Variants in STOX2 observed in about 807,000 individuals in gnomAD.
The protein encoded by STOX2 is storkhead box 2.
STOX2 carries 28 observed loss-of-function variants against 60.9 expected under a neutral mutation model. The ratio of observed to expected loss-of-function variants is 0.46; its 90% CI spans 0.34 to 0.63. STOX2 has a LOEUF of 0.63. Ranked by LOEUF, STOX2 falls within the 30% of genes least tolerant of loss-of-function variation. The probability of loss-of-function intolerance (pLI) is 0.01; values close to 1 mark genes in which losing one functional copy is unlikely to be tolerated. For synonymous variants in STOX2, 472 were observed against 463.9 expected, an observed-to-expected ratio of 1.02 and a Z score of -0.22; for missense variants, 1,024 against 1,187.7, an observed-to-expected ratio of 0.86 and a Z score of 2.03.
In STOX2 at chr4:183,836,472, A is replaced by G. The variant is rs74646375; in HGVS notation, c.364+38417A>G. ...CCTCATTTCTTCTTCTGCAAAGTCT[A>G]TGCTCCAGGCTGCTGCAATCTTAGG... On this transcript the variant is annotated intron_variant, in intron 1 of 2. Transcript: ENST00000513034. The surrounding 1 kb of genome is among the most constrained non-coding windows in gnomAD (Gnocchi z 4.1). Among the ~76,000 whole-genome samples, 828 of 152,248 alleles carry G rather than the reference A, an allele frequency of 5.4e-3. 8 individuals carry two copies. The highest frequency in any genetic ancestry group is 8.7e-3 in the Non-Finnish European group (593 of 68,002).
At chr4:183,900,652 TACATTCAATTTATTC>T (rs541054677), upstream of STOX2, among the ~76,000 whole-genome samples, 56 of 152,352 alleles carry the variant, frequency 3.7e-4, no homozygotes, top group South Asian at 0.011. Flanking sequence ...CTTAAGGTTT[TACATTCAATTTATTC>T]TATTTGTAAA....
At chr4:183,922,502 C>T (rs76827528) in intron 1 of STOX2, among the ~76,000 whole-genome samples, 3 of 151,950 alleles carry the variant, frequency 2.0e-5, no homozygotes, top group Admixed American at 6.6e-5. Flanking sequence ...CCCCCCACCA[C>T]GCCCGGCTAA....
At chr4:183,977,464 G>A (rs1328205876) in intron 1 of STOX2, among the ~76,000 whole-genome samples, 2 of 151,934 alleles carry the variant, frequency 1.3e-5, no homozygotes, top group African/African-American at 4.8e-5. Flanking sequence ...TAGGATAAGG[G>A]CCTCCAGTTC....
intron 1 of STOX2, among the ~76,000 whole-genome samples, chr4:183,855,856 T>C (rs1272178454): frequency 6.6e-6 from 1 of 152,206 alleles, no homozygotes; most frequent in Non-Finnish European, 1.5e-5. Flanking sequence ...TTCACTTCCA[T>C]CCTGGCTTCT....
At chr4:184,005,830 C>T (rs1463358711) in intron 2 of STOX2, among the ~76,000 whole-genome samples, 1 of 152,106 alleles carries the variant, frequency 6.6e-6, no homozygotes, top group East Asian at 1.9e-4. Flanking sequence ...ACTCTCAGGT[C>T]ACAGCATGGA....
At chr4:183,997,829 A>G (rs1733411461) in intron 1 of STOX2, among the ~76,000 whole-genome samples, 1 of 152,210 alleles carries the variant, frequency 6.6e-6, no homozygotes, top group South Asian at 2.1e-4. Context: ...GTTATTGCCC[A>G]TATTCATTAT....
intron 1 of STOX2, among the ~76,000 whole-genome samples, chr4:183,923,916 T>C (rs1356678720): frequency 1.3e-5 from 2 of 152,234 alleles, no homozygotes; most frequent in African/African-American, 4.8e-5. Context: ...CTGTAGACTG[T>C]GGTTCCTAGA....
chr4:183,866,608 G>T (rs1242634942), intron 1 of STOX2, among the ~76,000 whole-genome samples: 1 of 152,218 alleles, frequency 6.6e-6, no homozygotes, highest in African/African-American at 2.4e-5. Flanking sequence ...TCCCGGCAAT[G>T]ATGTGTTTGC....
Position 183,851,495 on chromosome 4 carries a change from A to G in STOX2, c.364+53440A>G. Among the ~76,000 whole-genome samples, 2 of 52,702 alleles carry G rather than the reference A, an allele frequency of 3.8e-5. 1 individual carries two copies. Among genetic ancestry groups the G allele is most frequent in the Non-Finnish European group, 7.9e-5 (2 of 25,282 alleles). The allele number at this position is 52,702 out of a possible 152,430, so 34.6% of individuals were successfully genotyped here. On this transcript the variant is annotated intron_variant, in intron 1 of 2. Transcript: ENST00000513034. ...AAACGATGAGGGAAAGGATGAGGGA[A>G]AGGATGAGGGAAAGGATGAGAGAAA...
chr4:183,979,898 G>A (rs369526690), intron 1 of STOX2, among the ~76,000 whole-genome samples: 3 of 152,028 alleles, frequency 2.0e-5, no homozygotes, highest in South Asian at 4.2e-4. Context: ...TTTTAGGCCC[G>A]GTCATGCCGA....
intron 1 of STOX2, among the ~76,000 whole-genome samples, chr4:183,982,323 A>T (rs189540447): frequency 6.6e-6 from 1 of 152,190 alleles, no homozygotes; most frequent in African/African-American, 2.4e-5. Context: ...CACCAAGTGT[A>T]TTTTTTAAAA....
chr4:183,972,736 A>G (rs541860429), intron 1 of STOX2, among the ~76,000 whole-genome samples: 3 of 152,368 alleles, frequency 2.0e-5, no homozygotes, highest in South Asian at 2.1e-4. Context: ...AATAATCAAC[A>G]TTACTAAAAA....
At chr4:183,977,571 T>C (rs1732493440) in intron 1 of STOX2, among the ~76,000 whole-genome samples, 1 of 50,700 alleles carries the variant, frequency 2.0e-5, no homozygotes, top group Non-Finnish European at 4.4e-5. Context: ...GTGTATCACA[T>C]TTTTAGTCCA....
chr4:183,875,015 GAATT>G (rs1228851883), intron 1 of STOX2, among the ~76,000 whole-genome samples: 2 of 120,578 alleles, frequency 1.7e-5, no homozygotes, highest in Admixed American at 9.4e-5. Flanking sequence ...TTTGCAGTGT[GAATT>G]AAGTTTACAT....
At chr4:183,867,117 T>C (rs1333104777) in intron 1 of STOX2, among the ~76,000 whole-genome samples, 1 of 152,194 alleles carries the variant, frequency 6.6e-6, no homozygotes, top group Admixed American at 6.5e-5. Context: ...TAGAGCTGCC[T>C]ATAAGCAACT....
At chr4:183,909,802 A>G (rs760498794) in intron 1 of STOX2, among the ~76,000 whole-genome samples, 1 of 152,266 alleles carries the variant, frequency 6.6e-6, no homozygotes, top group Non-Finnish European at 1.5e-5. Flanking sequence ...TTCTCCACGA[A>G]TAAGTAATTA....
intron 1 of STOX2, among the ~76,000 whole-genome samples, chr4:183,916,857 C>G (rs1579413172): frequency 6.6e-6 from 1 of 152,222 alleles, no homozygotes; most frequent in African/African-American, 2.4e-5. Flanking sequence ...CAATAACACC[C>G]TCTTCCCTCT....
chr4:183,924,347 C>T (rs1167974026), intron 1 of STOX2, among the ~76,000 whole-genome samples: 2 of 152,054 alleles, frequency 1.3e-5, no homozygotes, highest in Non-Finnish European at 2.9e-5. Context: ...GTAAGGGGGG[C>T]TGGACCCCCA....
In STOX2 at chr4:184,001,656, A is replaced by G. The variant is rs1399867668; in HGVS notation, c.319+179A>G. ...TCAGGCACCTGCATGACATCAAAAAATAACTTAACTGCTTCAGCTGTAATA... is the reference window on the plus strand; with the variant it reads ...TCAGGCACCTGCATGACATCAAAAAGTAACTTAACTGCTTCAGCTGTAATA... On this transcript the variant is annotated intron_variant, in intron 2 of 3. Transcript: ENST00000308497. This position sits in a 1 kb window ranked among gnomAD's most constrained non-coding sequence, Gnocchi z 4.2. 2.6e-5 allele frequency among the ~76,000 whole-genome samples: 4 copies of G among 152,184 alleles called. No homozygotes were observed. Among genetic ancestry groups the G allele is most frequent in the African/African-American group, 9.6e-5 (4 of 41,466 alleles).
Sources: allele counts gnomAD v4.1 joint callset (sites outside exome capture counted in the v4.1 genomes callset), GRCh38; gene constraint gnomAD v4.1.1; non-coding constraint Gnocchi (gnomAD v3.1); transcripts MANE v1.5; gene names NCBI Gene and HGNC (gene_info 2026-07-23, HGNC 2026-07-21).